DOCK3: variants seen among roughly 807,000 people sequenced by gnomAD.
The protein encoded by DOCK3 is dedicator of cytokinesis protein 3.
In DOCK3, 60 loss-of-function variants were observed where a neutral mutation model predicts 265.6. That is an observed-to-expected ratio of 0.23 (90% confidence interval 0.18 to 0.28). The LOEUF (loss-of-function observed/expected upper bound fraction) is 0.28. Ranked by LOEUF, DOCK3 falls within the 10% of genes least tolerant of loss-of-function variation. The pLI, the probability that DOCK3 is intolerant of heterozygous loss-of-function variation, is 1.00. For synonymous variants in DOCK3, 881 were observed against 938.0 expected (o/e 0.94, Z 1.11); for missense variants, 1,981 against 2,594.3 (o/e 0.76, Z 5.14).
intron 1 of DOCK3, 138 bp from the exon 2 acceptor site, chr3:50,778,537 G>T: frequency 1.8e-6 from 1 of 566,324 alleles, no homozygotes; most frequent in East Asian, 2.9e-5. Flanking sequence ...AAATGGAAAG[G>T]GGCTTACACT....
Position 50,759,691 on chromosome 3 carries a change from A to G in DOCK3, c.38-18984A>G, listed in dbSNP as rs1422705377. Among the ~76,000 whole-genome samples, 469 of 132,842 alleles carry G rather than the reference A, an allele frequency of 3.5e-3. 5 individuals carry two copies. The highest frequency in any genetic ancestry group is 5.4e-3 in the Non-Finnish European group (325 of 60,242). 87.1% of individuals were successfully genotyped at this position (132,842 alleles called of 152,430 possible). On this transcript the variant is annotated intron_variant, in intron 1 of 52. Transcript: ENST00000266037. ...GTCTCTAAAAAAAAAAAAAAAAAAAATGGAAAAAATTAGCTGGGCATGGTG... is the reference window on the plus strand; with the variant it reads ...GTCTCTAAAAAAAAAAAAAAAAAAAGTGGAAAAAATTAGCTGGGCATGGTG...
chr3:51,264,829 A>AAATAAATAAAT (rs1553820740), intron 23 of DOCK3, among the ~76,000 whole-genome samples: 2 of 142,160 alleles, frequency 1.4e-5, no homozygotes, highest in African/African-American at 2.6e-5. Context: ...TCAGTCTCAA[A>AAATAAATAAAT]AAATAAATAA....
intron 5 of DOCK3, among the ~76,000 whole-genome samples, chr3:51,016,021 A>T (rs371445502): frequency 3.3e-3 from 6 of 1,838 alleles, no homozygotes; most frequent in East Asian, 0.021. Context: ...TTTCTACATA[A>T]TATATATCAT....
intron 2 of DOCK3, among the ~76,000 whole-genome samples, chr3:50,812,384 G>C (rs2043812059): frequency 6.6e-6 from 1 of 152,190 alleles, no homozygotes; most frequent in South Asian, 2.1e-4. Flanking sequence ...GATGTTTATA[G>C]GGTTGTATTA....
chr3:51,185,620 C>G (rs1054010865), intron 12 of DOCK3, among the ~76,000 whole-genome samples: 29 of 152,122 alleles, frequency 1.9e-4, no homozygotes, highest in Non-Finnish European at 3.1e-4. Context: ...TGGCTTGGCT[C>G]TGTGTCCCCA....
chr3:50,704,852 C>T (rs2036287245), intron 1 of DOCK3, among the ~76,000 whole-genome samples: 2 of 152,190 alleles, frequency 1.3e-5, no homozygotes, highest in South Asian at 2.1e-4. Context: ...TGGTCTCGAA[C>T]TCCTGACATC....
At chr3:51,167,602 A>G (rs1262660249) in intron 12 of DOCK3, among the ~76,000 whole-genome samples, 1 of 151,598 alleles carries the variant, frequency 6.6e-6, no homozygotes, top group Non-Finnish European at 1.5e-5. Flanking sequence ...TTTTTCATTT[A>G]TTTGTGTCTT....
At chr3:51,308,363 C>G (rs916701229) in intron 27 of DOCK3, among the ~76,000 whole-genome samples, 1 of 151,464 alleles carries the variant, frequency 6.6e-6, no homozygotes, top group Non-Finnish European at 1.5e-5. Context: ...GAGGACCCTG[C>G]GGCCTTCCGC....
chr3:51,083,813 T>A (rs1381144173), intron 7 of DOCK3, among the ~76,000 whole-genome samples: 1 of 152,018 alleles, frequency 6.6e-6, no homozygotes, highest in Admixed American at 6.6e-5. Flanking sequence ...TGAAACCTTG[T>A]CTCTACTAAA....
At chr3:50,942,973 G>C (rs1559844849) in intron 5 of DOCK3, among the ~76,000 whole-genome samples, 1 of 151,964 alleles carries the variant, frequency 6.6e-6, no homozygotes, top group Non-Finnish European at 1.5e-5. Flanking sequence ...TTGATTATAT[G>C]TGGAAATGGT....
At chr3:51,360,202 G>A (rs1332911599) in intron 46 of DOCK3, among the ~76,000 whole-genome samples, 1 of 152,126 alleles carries the variant, frequency 6.6e-6, no homozygotes, top group Non-Finnish European at 1.5e-5. Flanking sequence ...ATTCCGTAGC[G>A]AGAAAACCTG....
At chr3:51,190,120 G>T (rs574616786) in intron 12 of DOCK3, among the ~76,000 whole-genome samples, 1 of 152,310 alleles carries the variant, frequency 6.6e-6, no homozygotes, top group South Asian at 2.1e-4. Flanking sequence ...CCATTGGAAA[G>T]ATCTGAGACT....
intron 8 of DOCK3, 97 bp downstream of exon 8, chr3:51,089,381 G>C (rs990832547): frequency 9.0e-5 from 126 of 1,398,730 alleles, no homozygotes; most frequent in Non-Finnish European, 1.2e-4. Context: ...AGACACCACT[G>C]ACTTCTTGAC....
At chr3:50,730,317 A>G (rs1334171706) in intron 1 of DOCK3, among the ~76,000 whole-genome samples, 1 of 151,130 alleles carries the variant, frequency 6.6e-6, no homozygotes, top group Non-Finnish European at 1.5e-5. Context: ...AATTTTCTGT[A>G]TTTTTAGTAG....
intron 5 of DOCK3, among the ~76,000 whole-genome samples, chr3:50,970,761 C>G (rs2077175980): frequency 6.9e-6 from 1 of 143,906 alleles, no homozygotes; most frequent in South Asian, 2.2e-4. Context: ...GGGTATCACT[C>G]TCTTGCCCAG....
chr3:50,877,744 G>T, intron 3 of DOCK3: 1 of 316,664 alleles, frequency 3.2e-6, no homozygotes, highest in Non-Finnish European at 6.2e-6. Context: ...CGTGATCTCA[G>T]CTCACTGCAA....
intron 5 of DOCK3, among the ~76,000 whole-genome samples, chr3:50,936,190 C>T (rs933218690): frequency 1.3e-5 from 2 of 151,528 alleles, no homozygotes; most frequent in African/African-American, 2.4e-5. Context: ...CAATAGCAGC[C>T]TATAGAAATT....
intron 6 of DOCK3, among the ~76,000 whole-genome samples, chr3:51,067,411 T>A (rs568479226): frequency 3.8e-5 from 5 of 132,678 alleles, no homozygotes; most frequent in African/African-American, 1.4e-4. Flanking sequence ...CATGACTTTT[T>A]CTCAATGAAA....
chr3:50,955,183 A>T (rs2108343300), intron 5 of DOCK3, among the ~76,000 whole-genome samples: 1 of 152,310 alleles, frequency 6.6e-6, no homozygotes, highest in East Asian at 1.9e-4. Flanking sequence ...AAAAAAAAGT[A>T]ACAGATGCTG....
Sources: allele counts gnomAD v4.1 joint callset (sites outside exome capture counted in the v4.1 genomes callset), GRCh38; gene constraint gnomAD v4.1.1; transcripts MANE v1.5; gene names NCBI Gene and HGNC (gene_info 2026-07-23, HGNC 2026-07-21).